The following PPP4R2 variants were observed in gnomAD, a reference collection of about 807,000 sequenced individuals.
PPP4R2 encodes serine/threonine-protein phosphatase 4 regulatory subunit 2.
In PPP4R2, 13 loss-of-function variants were observed where a neutral mutation model predicts 47.2. The ratio of observed to expected loss-of-function variants is 0.28; its 90% CI spans 0.18 to 0.44. The LOEUF (loss-of-function observed/expected upper bound fraction) is 0.44. Ranked by LOEUF, PPP4R2 falls within the 20% of genes least tolerant of loss-of-function variation. The pLI, the probability that PPP4R2 is intolerant of heterozygous loss-of-function variation, is 1.00. For missense variants in PPP4R2, 421 were observed against 491.2 expected (o/e 0.86, Z 1.35); for synonymous variants, 151 against 163.3 (o/e 0.92, Z 0.57).
intron 2 of PPP4R2, among the ~76,000 whole-genome samples, chr3:73,032,445 T>C (rs1462049449): frequency 1.3e-5 from 2 of 152,090 alleles, no homozygotes; most frequent in Admixed American, 1.3e-4. Flanking sequence ...GGCACCACCA[T>C]GCCCAGCTAA....
intron 5 of PPP4R2, chr3:73,062,420 A>G: frequency 6.2e-7 from 1 of 1,611,506 alleles, no homozygotes; most frequent in South Asian, 1.1e-5. Context: ...TGCTAGACCC[A>G]GCACATAAAT....
intron 2 of PPP4R2, among the ~76,000 whole-genome samples, chr3:73,045,860 C>T (rs1702473926): frequency 6.6e-6 from 1 of 152,046 alleles, no homozygotes; most frequent in Non-Finnish European, 1.5e-5. Context: ...GGTTAAAATG[C>T]TGTTCTATGA....
rs34010770 is a variant in PPP4R2, at chr3:73,021,848, ATGTGTGTGTGTGTGTG to A, written c.116+23708_116+23723del. ...TAACAGTGAAGTATTACATTTCTAT[ATGTGTGTGTGTGTGTG>A]TGTGTGTGTGTGTGTGTATATATGC... On this transcript the variant is annotated intron_variant, in intron 2 of 8. Transcript: ENST00000356692. Among the ~76,000 whole-genome samples the A allele has an allele frequency of 5.3e-5, 7 of 131,004 alleles. No homozygotes were observed. The South Asian group carries it at 1.4e-3, about 27-fold the overall frequency. 85.9% of individuals were successfully genotyped at this position (131,004 alleles called of 152,430 possible). A position where few individuals can be genotyped will look rare whatever the true frequency, so the allele number is the denominator to read the frequency against.
At chr3:73,059,810 C>T (rs1355297672) in intron 4 of PPP4R2, among the ~76,000 whole-genome samples, 1 of 151,872 alleles carries the variant, frequency 6.6e-6, no homozygotes, top group East Asian at 1.9e-4. Context: ...TGGTGCACGC[C>T]TGTAATCCTA....
At chr3:73,013,819 T>G (rs960564752) in intron 2 of PPP4R2, among the ~76,000 whole-genome samples, 3 of 152,296 alleles carry the variant, frequency 2.0e-5, no homozygotes, top group African/African-American at 7.2e-5. Flanking sequence ...TTTTGTATTT[T>G]TAGTAGAGAC....
chr3:73,064,780 A>G (rs1253280368), intron 7 of PPP4R2, 72 bp from the exon 8 acceptor site: 1 of 1,289,324 alleles, frequency 7.8e-7, no homozygotes, highest in African/African-American at 1.5e-5. Flanking sequence ...AACATTATTT[A>G]ACCTTAAAAA....
At position 73,005,370 on chromosome 3, in the gene PPP4R2, C is replaced by G. The variant is rs190282099; in HGVS notation, c.116+7212C>G. On this transcript the variant is annotated intron_variant, in intron 2 of 8. Transcript: ENST00000356692. ...TTTTTTTTATCCACTTATCTACACA[C>G]TGGTGGTGTAGTCTTTCAATATGAA... Among the ~76,000 whole-genome samples, 774 of 148,536 alleles carry G rather than the reference C, an allele frequency of 5.2e-3. 7 individuals carry two copies. Among genetic ancestry groups the G allele is most frequent in the African/African-American group, 0.018 (745 of 40,370 alleles).
chr3:73,065,033 G>A lies in PPP4R2; in HGVS notation c.820G>A (p.Gly274Arg). Reference protein sequence around the residue: ...TSSEISSVMVGETEASSSSQD... With the variant: ...TSSEISSVMVRETEASSSSQD... The stretch of plus-strand genomic sequence containing the variant: ...CAGCGAAATTTCTTCAGTTATGGTA[G>A]GAGAAACAGAAGCATCATCTTCATC... The change falls in exon 8 of 9, where the codon GGA (glycine) becomes AGA (arginine). Residue 274 changes from glycine (G) to arginine (R), a missense_variant. Gly to Arg is a moderately radical substitution (Grantham distance 125). Coordinates refer to ENST00000356692, the MANE Select transcript of PPP4R2 (RefSeq NM_174907.4). 6.2e-7 allele frequency: 1 copy of A among 1,613,914 alleles called. No individual in the cohort carries two copies. Among genetic ancestry groups the A allele is most frequent in the Non-Finnish European group, 8.5e-7 (1 of 1,179,852 alleles).
intron 2 of PPP4R2, among the ~76,000 whole-genome samples, chr3:73,042,925 C>T (rs938900481): frequency 7.9e-5 from 12 of 152,104 alleles, no homozygotes; most frequent in Non-Finnish European, 1.8e-4. Flanking sequence ...GCCATAGAGT[C>T]TTTGAATCTC....
intron 2 of PPP4R2, among the ~76,000 whole-genome samples, chr3:73,020,698 A>G (rs994718667): frequency 2.7e-5 from 4 of 147,516 alleles, no homozygotes; most frequent in African/African-American, 7.5e-5. Context: ...AAAAGTTAAA[A>G]AACTTTTTTT....
intron 5 of PPP4R2, chr3:73,061,880 G>T (rs1296087670): frequency 5.9e-6 from 3 of 507,056 alleles, no homozygotes; most frequent in Admixed American, 7.9e-5. Flanking sequence ...TTTGTTTTTA[G>T]AATGTTCCCA....
intron 2 of PPP4R2, among the ~76,000 whole-genome samples, chr3:73,004,944 CGTGTG>C (rs1300385196): frequency 6.8e-5 from 8 of 116,950 alleles, no homozygotes; most frequent in Non-Finnish European, 1.2e-4. Context: ...GAGTCGGAGT[CGTGTG>C]TGTGTGTGTG....
intron 5 of PPP4R2, chr3:73,062,338 A>G: frequency 6.2e-7 from 1 of 1,607,914 alleles, no homozygotes; most frequent in Non-Finnish European, 8.5e-7. Context: ...AACAGACAGT[A>G]TCCACTGGAT....
intron 6 of PPP4R2, 87 bp from the exon 7 acceptor site, chr3:73,063,916 A>T: frequency 7.8e-7 from 1 of 1,289,930 alleles, no homozygotes; most frequent in Admixed American, 2.2e-5. Context: ...TGCAGCAAAT[A>T]CTTCTGTGAT....
intron 2 of PPP4R2, among the ~76,000 whole-genome samples, chr3:73,046,373 A>T (rs1702487653): frequency 6.6e-6 from 1 of 152,174 alleles, no homozygotes; most frequent in African/African-American, 2.4e-5. Context: ...ACCTGTGTAA[A>T]GAGATTGATC....
chr3:73,014,901 G>A, intron 2 of PPP4R2: 2 of 650,110 alleles, frequency 3.1e-6, no homozygotes, highest in Non-Finnish European at 5.6e-6. Flanking sequence ...ATGGGGTCTT[G>A]CTGTGTTGCC....
chr3:73,061,865 G>C, intron 5 of PPP4R2: 1 of 470,076 alleles, frequency 2.1e-6, no homozygotes, highest in Non-Finnish European at 3.8e-6. Context: ...ACCCAGCCCA[G>C]TCAATTTGTT....
chr3:73,062,991 G>T, intron 5 of PPP4R2: 6 of 1,111,302 alleles, frequency 5.4e-6, no homozygotes, highest in Admixed American at 2.3e-5. Context: ...ACGGGCCATT[G>T]TGTCTGAGAT....
intron 2 of PPP4R2, among the ~76,000 whole-genome samples, chr3:73,046,628 G>T (rs80309639): frequency 6.6e-6 from 1 of 152,218 alleles, no homozygotes; most frequent in East Asian, 1.9e-4. Flanking sequence ...TAGAACCTGT[G>T]ATTATGTGCC....
Sources: gnomAD v4.1 joint callset for allele counts (sites outside exome capture counted in the v4.1 genomes callset) on GRCh38, gnomAD v4.1.1 for gene constraint, MANE v1.5 for transcripts, NCBI Gene and HGNC (gene_info 2026-07-23, HGNC 2026-07-21) for gene names.